Variants in GRID2 observed in about 807,000 individuals in gnomAD.
The protein encoded by GRID2 is glutamate ionotropic receptor delta type subunit 2.
A neutral mutation model predicts 114.8 loss-of-function variants in GRID2; 33 were observed. That is an observed-to-expected ratio of 0.29 (90% confidence interval 0.22 to 0.38). GRID2 has a LOEUF of 0.38. Among genes scored for constraint, GRID2 ranks in the 10% least tolerant of loss-of-function variants. The pLI is 1.00. For synonymous variants in GRID2, 505 were observed against 449.9 expected (o/e 1.12, Z -1.55); for missense variants, 1,184 against 1,257.7 (o/e 0.94, Z 0.89).
At chr4:93,222,351 G>T (rs1406812463) in intron 6 of GRID2, among the ~76,000 whole-genome samples, 2 of 151,918 alleles carry the variant, frequency 1.3e-5, no homozygotes, top group Non-Finnish European at 1.5e-5. Flanking sequence ...GGCAGGGTAG[G>T]ATTCTCCTAG....
Position 92,519,200 on chromosome 4 carries a change from A to G in GRID2, c.89-70931A>G, listed in dbSNP as rs548998287. ...TCAATGGCAGCATAGGATGGCATGA[A>G]TTTTTAAAAAATTATCAAGCCCAAA... is the stretch of plus-strand genomic sequence containing the variant. On this transcript the variant is annotated intron_variant, in intron 1 of 15. Transcript: ENST00000282020. Among the ~76,000 whole-genome samples the G allele has an allele frequency of 4.6e-3, 696 of 151,952 alleles. 6 individuals carry two copies. The highest frequency in any genetic ancestry group is 0.016 in the African/African-American group (666 of 41,496).
intron 8 of GRID2, among the ~76,000 whole-genome samples, chr4:93,346,326 G>T (rs1295907538): frequency 6.6e-6 from 1 of 152,036 alleles, no homozygotes; most frequent in Non-Finnish European, 1.5e-5. Flanking sequence ...TTTTAGAAAT[G>T]CCTCATGGTT....
At chr4:93,271,279 A>C (rs1159126859) in intron 8 of GRID2, among the ~76,000 whole-genome samples, 1 of 152,142 alleles carries the variant, frequency 6.6e-6, no homozygotes, top group East Asian at 1.9e-4. Context: ...ACTCTGTGTA[A>C]TGAGAACATC....
chr4:93,493,830 G>A (rs1416423247), intron 12 of GRID2, among the ~76,000 whole-genome samples: 1 of 151,648 alleles, frequency 6.6e-6, no homozygotes, highest in Admixed American at 6.6e-5. Context: ...AAGTAACTTT[G>A]CATTCATTTT....
intron 2 of GRID2, among the ~76,000 whole-genome samples, chr4:93,064,047 G>T (rs1728043497): frequency 8.8e-6 from 1 of 114,234 alleles, no homozygotes; most frequent in South Asian, 2.7e-4. Flanking sequence ...ATATTACGCT[G>T]TTAATGTTAC....
chr4:92,468,503 A>T (rs1043268267), intron 1 of GRID2, among the ~76,000 whole-genome samples: 1 of 152,106 alleles, frequency 6.6e-6, no homozygotes, highest in Non-Finnish European at 1.5e-5. Context: ...ACACTTAATG[A>T]AATATTTATT....
intron 7 of GRID2, among the ~76,000 whole-genome samples, chr4:93,231,632 T>C (rs973423328): frequency 1.3e-5 from 2 of 152,132 alleles, no homozygotes; most frequent in East Asian, 3.9e-4. Flanking sequence ...CCACCCTCTT[T>C]CTAGGGGCAG....
At chr4:93,332,299 T>TGAGAGAGAGAGAGAGA (rs10596544) in intron 8 of GRID2, among the ~76,000 whole-genome samples, 1 of 120,982 alleles carries the variant, frequency 8.3e-6, no homozygotes, top group Non-Finnish European at 1.7e-5. Flanking sequence ...TGTGTGTGTG[T>TGAGAGAGAGAGAGAGA]GAGAGAGAGA....
intron 2 of GRID2, among the ~76,000 whole-genome samples, chr4:92,888,608 C>G (rs1370705623): frequency 6.6e-6 from 1 of 151,954 alleles, no homozygotes. Flanking sequence ...ACCATATAAT[C>G]AGTTGTATTA....
intron 8 of GRID2, chr4:93,302,577 T>C (rs780921438): frequency 4.4e-6 from 2 of 456,190 alleles, no homozygotes; most frequent in South Asian, 3.1e-5. Context: ...AAATTTGGAA[T>C]TACAGGTAAA....
At chr4:93,319,489 T>TC (rs1757005235) in intron 8 of GRID2, 1 of 152,138 alleles carries the variant, frequency 6.6e-6, no homozygotes, top group East Asian at 1.9e-4. Flanking sequence ...TTGTTTTTTT[T>TC]CCCCCATTAA....
At chr4:93,235,891 T>G (rs1051874819) in intron 7 of GRID2, among the ~76,000 whole-genome samples, 1 of 152,104 alleles carries the variant, frequency 6.6e-6, no homozygotes, top group East Asian at 1.9e-4. Flanking sequence ...AACACCAGAT[T>G]AGTCTAGTGC....
intron 4 of GRID2, among the ~76,000 whole-genome samples, chr4:93,181,475 G>A (rs575982971): frequency 2.6e-5 from 4 of 152,148 alleles, no homozygotes; most frequent in Non-Finnish European, 4.4e-5. Flanking sequence ...ACCCTAACAG[G>A]ATGGTCAGCC....
intron 2 of GRID2, among the ~76,000 whole-genome samples, chr4:93,008,058 T>C (rs1015307438): frequency 6.6e-6 from 1 of 151,362 alleles, no homozygotes; most frequent in Admixed American, 6.6e-5. Flanking sequence ...AAAAAATCCT[T>C]GATTTTCATG....
rs1905722 is a variant in GRID2 at position 93,461,343 on chromosome 4, C to T, written c.1858+5369C>T. Among the ~76,000 whole-genome samples the T allele has an allele frequency of 2.2e-3, 342 of 152,078 alleles. 4 individuals are homozygous for T. The highest frequency in any genetic ancestry group is 5.8e-3 in the African/African-American group (242 of 41,514). ...TAAATGAAGAAAAGGCTTATAAACC[C>T]TATGAAAAAGAGAATAAATCAATGA... On this transcript the variant is annotated intron_variant, in intron 11 of 15. Transcript: ENST00000282020.
At chr4:92,305,730 A>G (rs1725366719) in intron 1 of GRID2, among the ~76,000 whole-genome samples, 1 of 152,128 alleles carries the variant, frequency 6.6e-6, no homozygotes, top group South Asian at 2.1e-4. Context: ...ATTATCATGC[A>G]CAGCGCTCGC....
At chr4:93,492,093 C>T (rs1282975393) in intron 12 of GRID2, among the ~76,000 whole-genome samples, 1 of 151,714 alleles carries the variant, frequency 6.6e-6, no homozygotes, top group African/African-American at 2.4e-5. Flanking sequence ...GAAACTTATA[C>T]CATTGATGGA....
chr4:92,944,136 G>C (rs774741610), intron 2 of GRID2, among the ~76,000 whole-genome samples: 4 of 152,206 alleles, frequency 2.6e-5, no homozygotes, highest in South Asian at 2.1e-4. Flanking sequence ...TAAGTCTGCA[G>C]AGTTTTCTGC....
rs1405300051 is a variant in GRID2 at position 92,600,032 on chromosome 4, GTGTGTGTGTGTGTATA to G, written c.244+9748_244+9763del. 4.4e-4 allele frequency among the ~76,000 whole-genome samples: 32 copies of G among 73,008 alleles called. 2 individuals carry two copies. Among genetic ancestry groups the G allele is most frequent in the South Asian group, 2.5e-3 (5 of 2,018 alleles). 47.9% of individuals were successfully genotyped at this position (73,008 alleles called of 152,430 possible). A position where few individuals can be genotyped will look rare whatever the true frequency, so the allele number is the denominator to read the frequency against. The stretch of plus-strand genomic sequence containing the variant: ...AGGGCAATACTTCATGTATGTGTGT[GTGTGTGTGTGTGTATA>G]TATATATATATATATATATATATAT... On this transcript the variant is annotated intron_variant, in intron 2 of 15. Transcript: ENST00000282020.
Sources: gnomAD v4.1 joint callset for allele counts (sites outside exome capture counted in the v4.1 genomes callset) on GRCh38, gnomAD v4.1.1 for gene constraint, MANE v1.5 for transcripts, NCBI Gene and HGNC (gene_info 2026-07-23, HGNC 2026-07-21) for gene names.